VWA3B: variants seen among roughly 807,000 people sequenced by gnomAD.
The protein encoded by VWA3B is von Willebrand factor A domain containing 3B.
A neutral mutation model predicts 158.3 loss-of-function variants in VWA3B; 138 were observed. The observed-to-expected ratio is 0.87, with a 90% CI of 0.76 to 1.00. The LOEUF (loss-of-function observed/expected upper bound fraction) is 1.00. Among genes scored for constraint, VWA3B ranks in the 50% least tolerant of loss-of-function variants. The pLI is 0.00. For missense variants in VWA3B, 1,555 were observed against 1,565.1 expected (o/e 0.99, Z 0.11); for synonymous variants, 596 against 587.3 (o/e 1.01, Z -0.21).
intron 7 of VWA3B, among the ~76,000 whole-genome samples, chr2:98,146,660 T>G (rs1677197886): frequency 6.6e-6 from 1 of 152,232 alleles, no homozygotes; most frequent in South Asian, 2.1e-4. Flanking sequence ...TTCTCTGTGC[T>G]TTCTTCTGCA....
At chr2:98,158,727 A>C (rs1678315264) in intron 7 of VWA3B, among the ~76,000 whole-genome samples, 1 of 141,912 alleles carries the variant, frequency 7.0e-6, no homozygotes, top group African/African-American at 2.5e-5. Flanking sequence ...GGTGGAGTCA[A>C]GACTATGTCT....
chr2:98,206,389 C>A lies in VWA3B; in HGVS notation c.1738-5541C>A. The A allele has an allele frequency of 1.6e-5, 4 of 246,364 alleles. No individual in the cohort carries two copies. The South Asian group carries it at 3.2e-4, about 20-fold the overall frequency. The allele number at this position is 246,364 out of a possible 1,614,324, so 15.3% of individuals were successfully genotyped here. A position where few individuals can be genotyped will look rare whatever the true frequency, so the allele number is the denominator to read the frequency against. ...ATCCAGTTTGATGAGGGACTACCAT[C>A]TATTTTAAATGCCCAGCAAGTACAA... On this transcript the variant is annotated intron_variant, in intron 12 of 27. Coordinates refer to ENST00000477737, the MANE Select transcript of VWA3B (RefSeq NM_144992.5).
intron 18 of VWA3B, 35 bp downstream of exon 18, chr2:98,236,512 A>T (rs1427220449): frequency 6.2e-7 from 1 of 1,613,902 alleles, no homozygotes; most frequent in Non-Finnish European, 8.5e-7. Context: ...CAGTTCTGTT[A>T]TGCTTCTGTT....
chr2:98,216,893 CAA>C (rs1448228218), intron 13 of VWA3B: 1 of 1,285,630 alleles, frequency 7.8e-7, no homozygotes, highest in East Asian at 5.6e-5. Context: ...GCTTCAAGCC[CAA>C]GTCTCTCGCT....
At chr2:98,121,239 G>C in intron 4 of VWA3B, 60 bp from the exon 5 acceptor site, 1 of 1,565,310 alleles carries the variant, frequency 6.4e-7, no homozygotes, top group East Asian at 2.3e-5. Context: ...TGAGACGGAG[G>C]TTTGGCATCC....
chr2:98,186,070 A>T, intron 9 of VWA3B, among the ~76,000 whole-genome samples: 1 of 151,336 alleles, frequency 6.6e-6, no homozygotes, highest in East Asian at 1.9e-4. Context: ...TTTTGCAGGG[A>T]TCTCTGAATT....
chr2:98,172,331 G>C (rs1206011371), intron 8 of VWA3B, among the ~76,000 whole-genome samples: 3 of 151,992 alleles, frequency 2.0e-5, no homozygotes, highest in Non-Finnish European at 4.4e-5. Flanking sequence ...GCCAAACTCT[G>C]CGTCATTCTG....
chr2:98,250,403 G>A lies in VWA3B; in HGVS notation c.2759G>A (p.Arg920Gln), dbSNP rs367940324. ...PQGAKLNIYK[R>Q]KVEQAIQSYE... ...GGAGCCAAACTCAATATCTACAAGCGAAAAGTGGAACAGGCAATTCAATCC... is the reference window on the plus strand; with the variant it reads ...GGAGCCAAACTCAATATCTACAAGCAAAAAGTGGAACAGGCAATTCAATCC... The change falls in exon 20 of 28, where the codon CGA (arginine) becomes CAA (glutamine). Residue 920 changes from arginine to glutamine, a missense_variant. Arg to Gln is a conservative substitution (Grantham distance 43). Coordinates refer to ENST00000477737, the MANE Select transcript of VWA3B (RefSeq NM_144992.5). 145 of 1,612,240 alleles carry A rather than the reference G, an allele frequency of 9.0e-5. No individual in the cohort carries two copies. Among genetic ancestry groups the A allele is most frequent in the East Asian group, 1.8e-4 (8 of 44,692 alleles).
intron 1 of VWA3B, among the ~76,000 whole-genome samples, chr2:98,089,476 G>A (rs1479389293): frequency 6.7e-6 from 1 of 149,246 alleles, no homozygotes; most frequent in Non-Finnish European, 1.5e-5. Context: ...AGCCGTCTGA[G>A]ACCAACCTGG....
At chr2:98,264,185 A>T (rs1404094262) in intron 21 of VWA3B, among the ~76,000 whole-genome samples, 3 of 151,796 alleles carry the variant, frequency 2.0e-5, no homozygotes, top group Non-Finnish European at 2.9e-5. Context: ...AAAAAAAAAC[A>T]AATCTTGCTT....
chr2:98,197,305 C>G (rs1400541790), intron 12 of VWA3B, among the ~76,000 whole-genome samples: 1 of 152,190 alleles, frequency 6.6e-6, no homozygotes, highest in Non-Finnish European at 1.5e-5. Flanking sequence ...TGCTGATATG[C>G]TCTATGACCA....
intron 2 of VWA3B, among the ~76,000 whole-genome samples, chr2:98,106,272 G>A (rs750627432): frequency 3.0e-4 from 45 of 151,960 alleles, no homozygotes; most frequent in Admixed American, 8.5e-4. Flanking sequence ...ACACAGTCTT[G>A]ATTACTGTAA....
chr2:98,309,854 G>A (rs529078587), intron 26 of VWA3B, among the ~76,000 whole-genome samples: 5 of 152,278 alleles, frequency 3.3e-5, no homozygotes, highest in African/African-American at 1.2e-4. Context: ...GTTGGATTAG[G>A]AGCCCCATTT....
intron 7 of VWA3B, among the ~76,000 whole-genome samples, chr2:98,143,762 T>C (rs1045565864): frequency 2.0e-5 from 3 of 150,420 alleles, no homozygotes; most frequent in African/African-American, 7.3e-5. Flanking sequence ...CTTTTTTTTT[T>C]TTTTTTTGAG....
the VWA3B span, among the ~76,000 whole-genome samples, chr2:98,324,897 A>G: frequency 7.3e-6 from 1 of 136,746 alleles, no homozygotes; most frequent in African/African-American, 2.6e-5. Context: ...AAAAAATACA[A>G]TGTCTTAATG....
intron 7 of VWA3B, among the ~76,000 whole-genome samples, chr2:98,140,670 C>T (rs1329024066): frequency 6.6e-6 from 1 of 152,152 alleles, no homozygotes; most frequent in African/African-American, 2.4e-5. Context: ...TATTATGGGA[C>T]CAGAGCGATG....
intron 4 of VWA3B, among the ~76,000 whole-genome samples, chr2:98,120,106 A>G (rs972801749): frequency 6.6e-6 from 1 of 152,204 alleles, no homozygotes; most frequent in Non-Finnish European, 1.5e-5. Flanking sequence ...AACTTGGGTA[A>G]TGAATTCAAA....
rs1401123307 is a variant in VWA3B, at chr2:98,206,984, C to T, written c.1738-4946C>T. The T allele has an allele frequency of 2.1e-5, 10 of 486,284 alleles. No individual in the cohort carries two copies. The East Asian group carries it at 6.0e-4, about 29-fold the overall frequency. The allele number at this position is 486,284 out of a possible 1,614,324, so 30.1% of individuals were successfully genotyped here. ...ATGAATGAACCACATGCTACTCATG[C>T]CCAGGTAGCTCTGACTGGACTGACT... On this transcript the variant is annotated intron_variant, in intron 12 of 27. Transcript: ENST00000477737.
chr2:98,186,097 C>T (rs1315246918), intron 9 of VWA3B, among the ~76,000 whole-genome samples: 2 of 151,666 alleles, frequency 1.3e-5, no homozygotes, highest in Non-Finnish European at 2.9e-5. Context: ...TCCAGGGGTC[C>T]ATTCTCAGTC....
Sources: allele counts gnomAD v4.1 joint callset (sites outside exome capture counted in the v4.1 genomes callset), GRCh38; gene constraint gnomAD v4.1.1; transcripts MANE v1.5; gene names NCBI Gene and HGNC (gene_info 2026-07-23, HGNC 2026-07-21).